The following IL1RAP variants were observed in gnomAD, a reference collection of about 807,000 sequenced individuals.
The protein encoded by IL1RAP is interleukin-1 receptor accessory protein.
Under a neutral mutation model 60.7 loss-of-function variants are expected in IL1RAP, and 35 were observed. The observed-to-expected ratio is 0.58, with a 90% confidence interval of 0.44 to 0.76. IL1RAP has a LOEUF of 0.76. IL1RAP is among the 30% of genes least tolerant of loss of function. The pLI is 0.00. For missense variants in IL1RAP, 572 were observed against 693.9 expected, an observed-to-expected ratio of 0.82 and a Z score of 1.97; for synonymous variants, 268 against 250.9, an observed-to-expected ratio of 1.07 and a Z score of -0.64.
chr3:190,658,959 CT>C (rs1272090589), exon 12 of IL1RAP: 1 of 152,144 alleles, frequency 6.6e-6, no homozygotes, highest in Non-Finnish European at 1.5e-5. Flanking sequence ...TATTAAATCC[CT>C]TCTTGTAAAG....
chr3:190,656,530 C>G (rs1053193291), exon 12 of IL1RAP: 107 of 1,537,164 alleles, frequency 7.0e-5, no homozygotes, highest in Non-Finnish European at 9.2e-5. Context: ...ATTGGAACCC[C>G]CTGCTCCCCA....
intron 3 of IL1RAP, among the ~76,000 whole-genome samples, chr3:190,596,398 T>C (rs1294771739): frequency 6.6e-6 from 1 of 152,124 alleles, no homozygotes; most frequent in Non-Finnish European, 1.5e-5. Flanking sequence ...AGTCAATTAA[T>C]CTCTCTGTCT....
intron 9 of IL1RAP, among the ~76,000 whole-genome samples, chr3:190,635,597 T>C (rs1733156614): frequency 6.6e-6 from 1 of 152,202 alleles, no homozygotes; most frequent in South Asian, 2.1e-4. Flanking sequence ...TTTTCATTTC[T>C]TTTTGACCTA....
intron 9 of IL1RAP, among the ~76,000 whole-genome samples, chr3:190,636,761 C>T (rs1197504594): frequency 1.3e-5 from 2 of 152,036 alleles, no homozygotes; most frequent in Non-Finnish European, 2.9e-5. Context: ...CCAATCTGAT[C>T]ATTTCTGGCT....
At chr3:190,551,243 G>GAGCTCTCA in intron 1 of IL1RAP, among the ~76,000 whole-genome samples, 1 of 152,312 alleles carries the variant, frequency 6.6e-6, no homozygotes, top group Admixed American at 6.5e-5. Flanking sequence ...GGCTCTGCAA[G>GAGCTCTCA]TTGAGCTTGA....
intron 1 of IL1RAP, among the ~76,000 whole-genome samples, chr3:190,517,060 C>A (rs771030907): frequency 2.6e-5 from 4 of 152,130 alleles, no homozygotes; most frequent in Admixed American, 1.3e-4. Context: ...TTCAGGATAT[C>A]CTTTTTGTTG....
At chr3:190,645,894 T>G (rs749493633) in intron 11 of IL1RAP, 52 bp downstream of exon 11, 9 of 1,518,120 alleles carry the variant, frequency 5.9e-6, no homozygotes, top group Non-Finnish European at 8.1e-6. Context: ...GCAGACAGAA[T>G]CATTAGTTTT....
downstream of IL1RAP, chr3:190,656,425 C>T (rs201781727): frequency 8.4e-4 from 1,284 of 1,537,058 alleles, no homozygotes; most frequent in Non-Finnish European, 1.0e-3. Flanking sequence ...GAACAAGAGC[C>T]GGGCAGAGAT....
At chr3:190,548,235 C>A (rs1724556547) in intron 1 of IL1RAP, among the ~76,000 whole-genome samples, 1 of 152,078 alleles carries the variant, frequency 6.6e-6, no homozygotes, top group African/African-American at 2.4e-5. Context: ...CTTAGGATGA[C>A]CTGTGGCCTG....
intron 5 of IL1RAP, among the ~76,000 whole-genome samples, chr3:190,610,244 A>C (rs1224667908): frequency 6.6e-6 from 1 of 152,202 alleles, no homozygotes; most frequent in African/African-American, 2.4e-5. Flanking sequence ...TATCTTGGTG[A>C]AGTTAGAAAA....
At position 190,533,677 on chromosome 3, in the gene IL1RAP, T is replaced by C. The variant is rs567726087; in HGVS notation, c.-89+19458T>C. 2.6e-5 allele frequency among the ~76,000 whole-genome samples: 4 copies of C among 152,158 alleles called. No homozygotes were observed. In the South Asian group the frequency reaches 8.3e-4, roughly 32 times the overall value. ...CAGTCGTGTCTGTGACCAGAGCACG[T>C]GGGAGGTGCACATCCGTGTAGAAAA... On this transcript the variant is annotated intron_variant, in intron 1 of 11. Coordinates refer to ENST00000447382, the MANE Select transcript of IL1RAP (RefSeq NM_002182.4).
intron 1 of IL1RAP, chr3:190,520,357 T>A (rs1335557946): frequency 6.6e-6 from 1 of 152,160 alleles, no homozygotes; most frequent in Non-Finnish European, 1.5e-5. Flanking sequence ...CTCTACAGAC[T>A]AATAAAGTAG....
At chr3:190,566,191 T>C (rs538176920) in intron 3 of IL1RAP, among the ~76,000 whole-genome samples, 11 of 152,178 alleles carry the variant, frequency 7.2e-5, no homozygotes, top group Admixed American at 6.6e-4. Context: ...TACTGACACA[T>C]AGACACATAG....
At chr3:190,561,916 G>C (rs544777982) in intron 2 of IL1RAP, among the ~76,000 whole-genome samples, 1 of 152,192 alleles carries the variant, frequency 6.6e-6, no homozygotes, top group East Asian at 1.9e-4. Flanking sequence ...TACGCGCCTG[G>C]CAGTGCTCTA....
At chr3:190,598,130 C>T (rs1229262021) in intron 3 of IL1RAP, among the ~76,000 whole-genome samples, 1 of 152,126 alleles carries the variant, frequency 6.6e-6, no homozygotes, top group Non-Finnish European at 1.5e-5. Context: ...ATACTAATTT[C>T]CATTTAATAG....
Position 190,648,775 on chromosome 3 carries a change from C to T in IL1RAP, c.*70C>T, listed in dbSNP as rs1470862005. 14 of 1,519,680 alleles carry T rather than the reference C, an allele frequency of 9.2e-6. No homozygotes were observed. Among genetic ancestry groups the T allele is most frequent in the East Asian group, 6.8e-5 (3 of 44,062 alleles). 94.1% of individuals were successfully genotyped at this position (1,519,680 alleles called of 1,614,324 possible). ...AGAAAGAGTCCCCCCAGTCTTCATT[C>T]GCAGTTTATGGTTTCATAGGCAAAA... On this transcript the variant is annotated 3_prime_UTR_variant, in exon 12 of 12. Coordinates refer to ENST00000447382, the MANE Select transcript of IL1RAP (RefSeq NM_002182.4).
In IL1RAP at chr3:190,604,303, G is replaced by A; in HGVS notation, c.240G>A (p.Glu80=). ...GGACTAGGCAGGACCGGGACCTTGA[G>A]GAGCCAATTAACTTCCGCCTCCCCG... is the stretch of plus-strand genomic sequence containing the variant. ...WYWTRQDRDL[E]EPINFRLPEN... The change falls in exon 4 of 12, where the codon GAG becomes GAA. Residue 80 remains glutamate, a synonymous_variant. Transcript: ENST00000447382. 2 of 1,613,926 alleles carry A rather than the reference G, an allele frequency of 1.2e-6. No individual in the cohort carries two copies. The highest frequency in any genetic ancestry group is 1.7e-6 in the Non-Finnish European group (2 of 1,179,986).
intron 3 of IL1RAP, among the ~76,000 whole-genome samples, chr3:190,591,571 C>G (rs1475962725): frequency 6.6e-6 from 1 of 152,148 alleles, no homozygotes; most frequent in African/African-American, 2.4e-5. Flanking sequence ...TTCTGGGACT[C>G]TAATGATAAC....
chr3:190,649,320 A>T lies in IL1RAP; in HGVS notation c.*615A>T. On this transcript the variant is annotated 3_prime_UTR_variant, in exon 12 of 12. Coordinates refer to ENST00000447382, the MANE Select transcript of IL1RAP (RefSeq NM_002182.4). Reference sequence around the variant, plus strand: ...TGTCTTCTATACCACCCTTGTCCTCATCTCAGGTAATTTATGAAATCTATG... The same window carrying T: ...TGTCTTCTATACCACCCTTGTCCTCTTCTCAGGTAATTTATGAAATCTATG... 1 of 985,028 alleles carries T rather than the reference A, an allele frequency of 1.0e-6. No individual in the cohort carries two copies. The highest frequency in any genetic ancestry group is 1.2e-6 in the Non-Finnish European group (1 of 829,138). 61.0% of individuals were successfully genotyped at this position (985,028 alleles called of 1,614,324 possible).
Sources: allele counts gnomAD v4.1 joint callset (sites outside exome capture counted in the v4.1 genomes callset), GRCh38; gene constraint gnomAD v4.1.1; transcripts MANE v1.5; gene names NCBI Gene and HGNC (gene_info 2026-07-23, HGNC 2026-07-21).